TATDN1: variants seen among roughly 807,000 people sequenced by gnomAD.
TATDN1 encodes the protein deoxyribonuclease TATDN1.
Under a neutral mutation model 46.4 loss-of-function variants are expected in TATDN1, and 40 were observed. The ratio of observed to expected loss-of-function variants is 0.86; its 90% confidence interval spans 0.67 to 1.12. The LOEUF (loss-of-function observed/expected upper bound fraction) is 1.12, where lower values mean the gene tolerates loss of function less well. Ranked by LOEUF, TATDN1 falls within the 50% of genes most tolerant of loss-of-function variation. The probability of loss-of-function intolerance (pLI) is 0.00; values close to 1 mark genes in which losing one functional copy is unlikely to be tolerated. For missense variants in TATDN1, 326 were observed against 348.4 expected (o/e 0.94, Z 0.51); for synonymous variants, 95 against 105.6 (o/e 0.90, Z 0.62).
intron 11 of TATDN1, chr8:124,491,250 A>T (rs1199205407): frequency 2.6e-5 from 4 of 152,252 alleles, no homozygotes; most frequent in Non-Finnish European, 5.9e-5. Context: ...GCTGGCATAT[A>T]AGAGCCCTCA....
intron 9 of TATDN1, 27 bp downstream of exon 9, chr8:124,504,244 A>T (rs978139670): frequency 3.9e-6 from 6 of 1,538,916 alleles, no homozygotes; most frequent in Non-Finnish European, 4.4e-6. Flanking sequence ...AATAAAAGTT[A>T]AAAACCAAAG....
chr8:124,502,902 G>A (rs1252056316), intron 9 of TATDN1, among the ~76,000 whole-genome samples: 2 of 152,192 alleles, frequency 1.3e-5, no homozygotes, highest in African/African-American at 4.8e-5. Flanking sequence ...TACTCAGGAG[G>A]CTGAGGTGGG....
At chr8:124,511,920 G>A (rs766179888) in intron 6 of TATDN1, among the ~76,000 whole-genome samples, 1 of 152,264 alleles carries the variant, frequency 6.6e-6, no homozygotes, top group East Asian at 1.9e-4. Flanking sequence ...TGCACAAAGG[G>A]ATGAAGTGAC....
At chr8:124,527,521 C>CA (rs34715970) in intron 1 of TATDN1, among the ~76,000 whole-genome samples, 3 of 151,902 alleles carry the variant, frequency 2.0e-5, no homozygotes, top group South Asian at 2.1e-4. Flanking sequence ...TTAACGCTTA[C>CA]AAAAAAAGTC....
At chr8:124,518,523 CAAAA>C (rs11375686) in intron 4 of TATDN1, among the ~76,000 whole-genome samples, 1 of 83,140 alleles carries the variant, frequency 1.2e-5, no homozygotes, top group Non-Finnish European at 2.8e-5. Flanking sequence ...GACTCCGTCT[CAAAA>C]AAAAAAAAAA....
chr8:124,519,092 T>C (rs1466557969), intron 3 of TATDN1, among the ~76,000 whole-genome samples: 2 of 152,164 alleles, frequency 1.3e-5, no homozygotes, highest in Non-Finnish European at 2.9e-5. Context: ...TGTGTGCATG[T>C]AGAGGTGCAG....
rs752613294 is a variant in TATDN1 at position 124,488,664 on chromosome 8, T to C, written c.824A>G (p.Asp275Gly). The change falls in exon 12 of 12, where the codon GAT (aspartate) becomes GGT (glycine). Residue 275 changes from aspartate (D) to glycine (G), a missense_variant. By Grantham distance (94) the Asp-to-Gly change is moderately conservative (BLOSUM62 -1). Coordinates refer to ENST00000276692, the MANE Select transcript of TATDN1 (RefSeq NM_032026.4). ...ATTGGCTAATTCCAGTGGATCCTCA[T>C]CTCTCACTGCTGACATTATCTCCAA... ...QILEIMSAVR[D>G]EDPLELANTL... 2.5e-6 allele frequency: 4 copies of C among 1,607,098 alleles called. No homozygotes were observed. The Admixed American group carries it at 6.7e-5, about 27-fold the overall frequency.
chr8:124,532,080 A>AGGGGGGGAGGAGGAGGAG, intron 1 of TATDN1, among the ~76,000 whole-genome samples: 1 of 149,742 alleles, frequency 6.7e-6, no homozygotes, highest in African/African-American at 2.4e-5. Flanking sequence ...AGGAAGAGCA[A>AGGGGGGGAGGAGGAGGAG]GGGGGGGAGG....
chr8:124,504,084 G>T, intron 9 of TATDN1, 187 bp downstream of exon 9: 1 of 759,162 alleles, frequency 1.3e-6, no homozygotes, highest in Non-Finnish European at 2.0e-6. Context: ...TAACTTTCGA[G>T]CTTTAACTTT....
chr8:124,495,134 CAA>C, intron 10 of TATDN1: 1 of 303,960 alleles, frequency 3.3e-6, no homozygotes, highest in South Asian at 3.9e-5. Context: ...ACTGTGTAAA[CAA>C]AATTCTGAAC....
At chr8:124,527,111 G>C (rs1820567580) in intron 1 of TATDN1, among the ~76,000 whole-genome samples, 1 of 152,170 alleles carries the variant, frequency 6.6e-6, no homozygotes, top group South Asian at 2.1e-4. Flanking sequence ...CATTTCAAAG[G>C]AAGAAGTGGG....
At chr8:124,505,536 C>CA (rs199714420) in intron 8 of TATDN1, among the ~76,000 whole-genome samples, 4,545 of 75,118 alleles carry the variant, frequency 0.061, 250 homozygotes, top group African/African-American at 0.17. Context: ...GAAACTGTCT[C>CA]AAAAAAAAAA....
rs139399630 is a variant in TATDN1, at chr8:124,488,932, T to C, written c.792-236A>G. On this transcript the variant is annotated intron_variant, in intron 11 of 11. Coordinates refer to ENST00000276692, the MANE Select transcript of TATDN1 (RefSeq NM_032026.4). ...CTAAGAACCAGGTTCAAGTAAATTA[T>C]TAAAGCAGCCATCTGTATTATGTTC... is the stretch of plus-strand genomic sequence containing the variant. The C allele has an allele frequency of 8.1e-4, 359 of 445,294 alleles. 2 individuals are homozygous for C. The highest frequency in any genetic ancestry group is 6.8e-3 in the African/African-American group (332 of 48,978). 27.6% of individuals were successfully genotyped at this position (445,294 alleles called of 1,614,324 possible).
chr8:124,495,627 A>G, intron 9 of TATDN1, 85 bp from the exon 10 acceptor site: 1 of 1,014,036 alleles, frequency 9.9e-7, no homozygotes, highest in Non-Finnish European at 1.5e-6. Flanking sequence ...AAATGCTACA[A>G]AACCAACCCA....
chr8:124,500,624 A>AG (rs1038870705), intron 9 of TATDN1, among the ~76,000 whole-genome samples: 1 of 151,744 alleles, frequency 6.6e-6, no homozygotes, highest in Non-Finnish European at 1.5e-5. Flanking sequence ...GCCTGAGCCC[A>AG]GGAGGTCGGG....
In TATDN1 at chr8:124,508,777, G is replaced by T. The variant is rs182293111; in HGVS notation, c.390-89C>A. ...ATGTCAAAAGAGCTTTTAAATTAAA[G>T]GTATTTAATTCTCTAGAAATTACAG... is the stretch of plus-strand genomic sequence containing the variant. On this transcript the variant is annotated intron_variant, in intron 6 of 11. Coordinates refer to ENST00000276692, the MANE Select transcript of TATDN1 (RefSeq NM_032026.4). 74 of 804,028 alleles carry T rather than the reference G, an allele frequency of 9.2e-5. No homozygotes were observed. The African/African-American group carries it at 1.2e-3, about 13-fold the overall frequency. 49.8% of individuals were successfully genotyped at this position (804,028 alleles called of 1,614,324 possible).
intron 8 of TATDN1, among the ~76,000 whole-genome samples, chr8:124,505,508 C>T (rs892832705): frequency 2.2e-4 from 31 of 141,214 alleles, no homozygotes; most frequent in Non-Finnish European, 4.2e-4. Context: ...AGGCAGATCA[C>T]AAGGTCAGGA....
intron 11 of TATDN1, chr8:124,489,053 T>C (rs757999246): frequency 4.6e-5 from 12 of 262,638 alleles, no homozygotes; most frequent in Non-Finnish European, 5.8e-5. Context: ...ATTTTAAACA[T>C]TGACAAGTAC....
intron 1 of TATDN1, among the ~76,000 whole-genome samples, chr8:124,531,617 A>G (rs1187386703): frequency 2.0e-5 from 3 of 152,216 alleles, no homozygotes; most frequent in Non-Finnish European, 4.4e-5. Flanking sequence ...TACCTCAATG[A>G]GAATACATCG....
Sources: allele counts gnomAD v4.1 joint callset (sites outside exome capture counted in the v4.1 genomes callset), GRCh38; gene constraint gnomAD v4.1.1; transcripts MANE v1.5; gene names NCBI Gene and HGNC (gene_info 2026-07-23, HGNC 2026-07-21).